TTC39B: variants seen among roughly 807,000 people sequenced by gnomAD.
The protein encoded by TTC39B is tetratricopeptide repeat domain 39B.
A neutral mutation model predicts 96.6 loss-of-function variants in TTC39B; 92 were observed. That is an observed-to-expected ratio of 0.95 (90% CI 0.80 to 1.13). The LOEUF is 1.13. Among genes scored for constraint, TTC39B ranks in the 50% most tolerant of loss-of-function variants. The pLI, the probability that TTC39B is intolerant of heterozygous loss-of-function variation, is 0.00. For missense variants in TTC39B, 955 were observed against 809.3 expected (o/e 1.18, Z -2.18); for synonymous variants, 367 against 299.4 (o/e 1.23, Z -2.33).
At chr9:15,250,952 C>G (rs903371911) in intron 2 of TTC39B, among the ~76,000 whole-genome samples, 3 of 152,000 alleles carry the variant, frequency 2.0e-5, no homozygotes, top group African/African-American at 7.3e-5. Context: ...AATCCCAGCA[C>G]TTAGGGAGGC....
chr9:15,211,357 T>G (rs1217145023), exon 5 of TTC39B: 2 of 1,597,558 alleles, frequency 1.3e-6, no homozygotes, highest in Non-Finnish European at 1.7e-6. Flanking sequence ...AACACCACAA[T>G]GGTACTGTAG....
chr9:15,170,261 A>C (rs1021276804), exon 20 of TTC39B: 1 of 74,226 alleles, frequency 1.3e-5, no homozygotes, highest in African/African-American at 6.3e-5. Flanking sequence ...CAAGCCACAC[A>C]CTGCTTGATA....
chr9:15,262,428 A>G (rs1232492308), intron 2 of TTC39B, among the ~76,000 whole-genome samples: 2 of 152,318 alleles, frequency 1.3e-5, no homozygotes, highest in Admixed American at 1.3e-4. Flanking sequence ...AACATGGTCA[A>G]TGTACTACTA....
chr9:15,209,068 A>G (rs1820038097), intron 6 of TTC39B, among the ~76,000 whole-genome samples: 1 of 152,074 alleles, frequency 6.6e-6, no homozygotes, highest in Non-Finnish European at 1.5e-5. Context: ...ATTTTGTGTT[A>G]CCTCTTCAGA....
chr9:15,216,729 C>A (rs962018006), intron 3 of TTC39B, among the ~76,000 whole-genome samples: 3 of 152,170 alleles, frequency 2.0e-5, no homozygotes, highest in African/African-American at 7.2e-5. Context: ...TTGCCTAAAG[C>A]CCTTTCAACT....
intron 1 of TTC39B, among the ~76,000 whole-genome samples, chr9:15,287,966 A>T (rs560717015): frequency 2.9e-4 from 35 of 122,722 alleles, no homozygotes; most frequent in African/African-American, 1.3e-3. Context: ...AAAAAAAAAA[A>T]AAACATAAAA....
chr9:15,176,500 G>T (rs1006811872), intron 18 of TTC39B, among the ~76,000 whole-genome samples: 3 of 152,118 alleles, frequency 2.0e-5, no homozygotes, highest in Non-Finnish European at 2.9e-5. Flanking sequence ...GGAAGAAGGG[G>T]ATCAGGTGGC....
chr9:15,186,397 T>C (rs1402434113), intron 15 of TTC39B, among the ~76,000 whole-genome samples: 2 of 152,168 alleles, frequency 1.3e-5, no homozygotes, highest in Admixed American at 6.5e-5. Flanking sequence ...AAGAGACCAT[T>C]CATTGTTAGA....
At chr9:15,242,177 T>G (rs1822073622) in intron 2 of TTC39B, among the ~76,000 whole-genome samples, 1 of 152,190 alleles carries the variant, frequency 6.6e-6, no homozygotes, top group African/African-American at 2.4e-5. Flanking sequence ...GCTGGTTGAT[T>G]AAATAAATAA....
At chr9:15,199,924 T>C (rs1368081649) in exon 8 of TTC39B, 6 of 1,532,738 alleles carry the variant, frequency 3.9e-6, no homozygotes, top group Admixed American at 1.9e-5. Flanking sequence ...CATATTTTCA[T>C]CCTGAAAATA....
At chr9:15,304,400 G>C (rs942738081) in intron 1 of TTC39B, among the ~76,000 whole-genome samples, 1 of 152,178 alleles carries the variant, frequency 6.6e-6, no homozygotes, top group Non-Finnish European at 1.5e-5. Flanking sequence ...TAATATCTAA[G>C]ATGCTTGTGC....
At chr9:15,256,903 G>A (rs904210573) in intron 2 of TTC39B, among the ~76,000 whole-genome samples, 31 of 152,218 alleles carry the variant, frequency 2.0e-4, no homozygotes, top group African/African-American at 7.5e-4. Flanking sequence ...AGGTAGATTG[G>A]GTCTTCAGCT....
chr9:15,187,470 T>C (rs1182512755), intron 14 of TTC39B, among the ~76,000 whole-genome samples: 1 of 152,206 alleles, frequency 6.6e-6, no homozygotes, highest in Non-Finnish European at 1.5e-5. Context: ...TAACTCTTTG[T>C]TGTTGTTTGA....
intron 8 of TTC39B, among the ~76,000 whole-genome samples, chr9:15,194,059 T>G (rs536853475): frequency 6.6e-6 from 1 of 152,326 alleles, no homozygotes; most frequent in African/African-American, 2.4e-5. Flanking sequence ...ACTGTATCCA[T>G]GTCAGTTTCC....
intron 1 of TTC39B, among the ~76,000 whole-genome samples, chr9:15,285,994 G>C (rs1408481881): frequency 6.6e-6 from 1 of 152,090 alleles, no homozygotes; most frequent in African/African-American, 2.4e-5. Context: ...AATCAATCTA[G>C]CCAAACAGTA....
intron 4 of TTC39B, among the ~76,000 whole-genome samples, chr9:15,212,177 G>A (rs1048910049): frequency 2.0e-5 from 3 of 152,254 alleles, no homozygotes; most frequent in African/African-American, 7.2e-5. Flanking sequence ...ATAACAGCCT[G>A]CTGCCATGCA....
At chr9:15,205,026 G>A (rs1441778347) in intron 6 of TTC39B, among the ~76,000 whole-genome samples, 1 of 152,158 alleles carries the variant, frequency 6.6e-6, no homozygotes, top group African/African-American at 2.4e-5. Context: ...CGAGCCTGGG[G>A]TATTTAGGAG....
intron 15 of TTC39B, 61 bp downstream of exon 15, chr9:15,186,883 G>C (rs751290766): frequency 1.4e-6 from 2 of 1,451,384 alleles, no homozygotes; most frequent in Admixed American, 1.7e-5. Flanking sequence ...TTTCAGTAGA[G>C]ATGAGATTTT....
intron 2 of TTC39B, among the ~76,000 whole-genome samples, chr9:15,261,488 C>T (rs1195003844): frequency 6.6e-6 from 1 of 151,694 alleles, no homozygotes; most frequent in Non-Finnish European, 1.5e-5. Context: ...AAAACAAAAA[C>T]AAAACACCAA....
Sources: gnomAD v4.1 joint callset for allele counts (sites outside exome capture counted in the v4.1 genomes callset) on GRCh38, gnomAD v4.1.1 for gene constraint, MANE v1.5 for transcripts, NCBI Gene and HGNC (gene_info 2026-07-23, HGNC 2026-07-21) for gene names.